TMEM41A: variants seen among roughly 807,000 people sequenced by gnomAD.
The protein encoded by TMEM41A is transmembrane protein 41A.
A neutral mutation model predicts 25.7 loss-of-function variants in TMEM41A; 20 were observed. The observed-to-expected ratio is 0.78, with a 90% CI of 0.55 to 1.13. The LOEUF (loss-of-function observed/expected upper bound fraction) is 1.13, where lower values mean the gene tolerates loss of function less well. Among genes scored for constraint, TMEM41A ranks in the 50% most tolerant of loss-of-function variants. The probability of loss-of-function intolerance (pLI) is 0.00; values close to 1 mark genes in which losing one functional copy is unlikely to be tolerated. For missense variants in TMEM41A, 299 were observed against 314.3 expected (o/e 0.95, Z 0.37); for synonymous variants, 133 against 139.6 (o/e 0.95, Z 0.33).
chr3:185,499,008 C>A lies in TMEM41A; in HGVS notation c.-47G>T. On this transcript the variant is annotated 5_prime_UTR_variant, in exon 1 of 5. Transcript: ENST00000421852. ...GCGGGGCAGCCGAGAAGCTCACTTG[C>A]ACTCCGGGACGCAGCGGCGGGCGGA... The A allele has an allele frequency of 2.0e-6, 3 of 1,504,482 alleles. No homozygotes were observed. The South Asian group carries it at 3.6e-5, about 18-fold the overall frequency. The allele number at this position is 1,504,482 out of a possible 1,614,324, so 93.2% of individuals were successfully genotyped here.
chr3:185,491,507 T>A lies in TMEM41A; in HGVS notation c.*30A>T, dbSNP rs1419065613. On this transcript the variant is annotated 3_prime_UTR_variant, in exon 5 of 5. Coordinates refer to ENST00000421852, the MANE Select transcript of TMEM41A (RefSeq NM_080652.4). ...TCCATTACACAAATAAGCAACTGAGTCCAGGGATGTGGCAAACAGAAAATC... is the reference window on the plus strand; with the variant it reads ...TCCATTACACAAATAAGCAACTGAGACCAGGGATGTGGCAAACAGAAAATC... The A allele has an allele frequency of 6.3e-7, 1 of 1,577,720 alleles. No homozygotes were observed. The highest frequency in any genetic ancestry group is 8.7e-7 in the Non-Finnish European group (1 of 1,149,702).
intron 2 of TMEM41A, 178 bp downstream of exon 2, chr3:185,496,650 A>G: frequency 1.4e-6 from 1 of 728,478 alleles, no homozygotes; most frequent in Non-Finnish European, 2.3e-6. Context: ...GGAAGCTGTC[A>G]GTGTCTCCCA....
At chr3:185,493,305 C>T (rs1026561205) in intron 4 of TMEM41A, 1 of 149,482 alleles carries the variant, frequency 6.7e-6, no homozygotes, top group East Asian at 2.0e-4. Context: ...CGCTGCAGGT[C>T]ATATAATTGT....
intron 4 of TMEM41A, chr3:185,492,223 AC>A (rs1718979438): frequency 6.5e-6 from 1 of 153,956 alleles, no homozygotes; most frequent in African/African-American, 2.4e-5. Flanking sequence ...AATCACTGGA[AC>A]CTGGGAGGCA....
At chr3:185,498,081 A>AC (rs573414045) in intron 1 of TMEM41A, among the ~76,000 whole-genome samples, 4,901 of 85,060 alleles carry the variant, frequency 0.058, 164 homozygotes, top group African/African-American at 0.13. Context: ...ACATAATGAG[A>AC]CCCCCCCCCC....
At chr3:185,496,501 G>C (rs1484850654) in intron 2 of TMEM41A, 6 of 365,486 alleles carry the variant, frequency 1.6e-5, no homozygotes, top group Non-Finnish European at 3.2e-5. Flanking sequence ...CCCTGACCCC[G>C]AGCCCCACAC....
At chr3:185,498,815 G>T in intron 1 of TMEM41A, 28 bp downstream of exon 1, 1 of 1,546,714 alleles carries the variant, frequency 6.5e-7, no homozygotes, top group South Asian at 1.2e-5. Flanking sequence ...CCCTTCCTCT[G>T]ACCCGAACCC....
chr3:185,494,724 A>G lies in TMEM41A; in HGVS notation c.473T>C (p.Leu158Ser). The change falls in exon 4 of 5, where the codon TTG becomes TCG. Residue 158 changes from leucine to serine, a missense_variant. By Grantham distance (145) the Leu-to-Ser change is moderately radical. Coordinates refer to ENST00000421852, the MANE Select transcript of TMEM41A (RefSeq NM_080652.4). ...TGTCATGGGGAAAAGTCTCAAAAAC[A>G]ATAAGAAAAAAAACAAGCTGTTTCT... The part of the protein sequence containing the change: ...ENRNSLFFFL[L>S]FLRLFPMTPN... 6.2e-7 allele frequency: 1 copy of G among 1,610,682 alleles called. No homozygotes were observed. Among genetic ancestry groups the G allele is most frequent in the Non-Finnish European group, 8.5e-7 (1 of 1,177,912 alleles).
intron 3 of TMEM41A, 185 bp downstream of exon 3, chr3:185,494,969 G>A: frequency 1.1e-6 from 1 of 927,334 alleles, no homozygotes; most frequent in Non-Finnish European, 1.6e-6. Flanking sequence ...TCACAGAGCT[G>A]GTAATGATGG....
In TMEM41A at chr3:185,496,957, C is replaced by A. The variant is rs1404088660; in HGVS notation, c.144G>T (p.Leu48=). 6.3e-7 allele frequency: 1 copy of A among 1,598,514 alleles called. No homozygotes were observed. Among genetic ancestry groups the A allele is most frequent in the South Asian group, 1.1e-5 (1 of 88,026 alleles). Residue 48 remains leucine (L), a synonymous_variant, in exon 2 of 5, where the codon CTG becomes CTT. Coordinates refer to ENST00000421852, the MANE Select transcript of TMEM41A (RefSeq NM_080652.4). ...CCTCAGAGAGCTCCCGCAGCTCTGC[C>A]AGGTCGGAGGGGAACCACAGCGACC... ...GGRSLWFPSD[L]AELRELSEVL...
intron 1 of TMEM41A, among the ~76,000 whole-genome samples, chr3:185,497,572 T>C (rs1719140333): frequency 6.6e-6 from 1 of 152,254 alleles, no homozygotes; most frequent in Non-Finnish European, 1.5e-5. Flanking sequence ...AATCGAACCC[T>C]TTCAAAGAGC....
chr3:185,494,804 C>T, intron 3 of TMEM41A, 43 bp from the exon 4 acceptor site: 4 of 1,560,780 alleles, frequency 2.6e-6, no homozygotes, highest in Non-Finnish European at 3.5e-6. Context: ...CAGAAAGGGT[C>T]TCCAGGTGTT....
At position 185,491,615 on chromosome 3, in the gene TMEM41A, A is replaced by T; in HGVS notation, c.717T>A (p.Ile239=). ...GCAGATGTTTCTGACTAAATTTTTT[A>T]ATGAGGGTTCCAGGAATTAATGCCA... is the stretch of plus-strand genomic sequence containing the variant. ...AMVALIPGTL[I]KKFSQKHLQL... Residue 239 remains isoleucine, a synonymous_variant, in exon 5 of 5, where the codon ATT becomes ATA. Transcript: ENST00000421852. 6.2e-7 allele frequency: 1 copy of T among 1,614,206 alleles called. No homozygotes were observed. The highest frequency in any genetic ancestry group is 8.5e-7 in the Non-Finnish European group (1 of 1,180,036).
intron 2 of TMEM41A, chr3:185,495,962 C>G (rs1719090193): frequency 6.5e-6 from 1 of 153,272 alleles, no homozygotes; most frequent in African/African-American, 2.4e-5. Flanking sequence ...AAAAGATGAA[C>G]ACAAACCATG....
intron 2 of TMEM41A, chr3:185,496,426 C>T (rs1012954124): frequency 7.2e-5 from 18 of 249,304 alleles, no homozygotes; most frequent in Non-Finnish European, 1.5e-4. Context: ...GCAGCTGGCT[C>T]TCTGCCCTGA....
intron 4 of TMEM41A, chr3:185,492,166 G>GT (rs1718978195): frequency 1.2e-5 from 2 of 160,638 alleles, no homozygotes; most frequent in Admixed American, 1.2e-4. Flanking sequence ...GCCGGGTGTG[G>GT]TGGCATGTGC....
intron 1 of TMEM41A, among the ~76,000 whole-genome samples, chr3:185,497,913 G>T (rs1364043705): frequency 1.3e-5 from 2 of 152,090 alleles, no homozygotes; most frequent in Non-Finnish European, 2.9e-5. Flanking sequence ...CACAAAAACC[G>T]GCCAGGTAAG....
intron 4 of TMEM41A, chr3:185,492,335 T>C (rs1166830421): frequency 1.3e-5 from 2 of 151,910 alleles, no homozygotes; most frequent in Non-Finnish European, 2.9e-5. Flanking sequence ...AAATTTTAAA[T>C]AGGAAAAGCA....
At position 185,490,148 on chromosome 3, in the gene TMEM41A, C is replaced by T. The variant is rs1389138964; in HGVS notation, c.*1389G>A. 2 of 152,180 alleles carry T rather than the reference C, an allele frequency of 1.3e-5. No homozygotes were observed. The highest frequency in any genetic ancestry group is 2.9e-5 in the Non-Finnish European group (2 of 68,064). The allele number at this position is 152,180 out of a possible 1,614,324, so 9.4% of individuals were successfully genotyped here. Reference sequence around the variant, plus strand: ...GCCAAGGTCCTTCTGTCTTTGGAAGCATTAATCCAGGTCTGTAACAATTCT... The same window carrying T: ...GCCAAGGTCCTTCTGTCTTTGGAAGTATTAATCCAGGTCTGTAACAATTCT... On this transcript the variant is annotated 3_prime_UTR_variant, in exon 5 of 5. Coordinates refer to ENST00000421852, the MANE Select transcript of TMEM41A (RefSeq NM_080652.4).
Sources: allele counts gnomAD v4.1 joint callset (sites outside exome capture counted in the v4.1 genomes callset), GRCh38; gene constraint gnomAD v4.1.1; transcripts MANE v1.5; gene names NCBI Gene and HGNC (gene_info 2026-07-23, HGNC 2026-07-21).